The following PTPRZ1 variants were observed in gnomAD, a reference collection of about 807,000 sequenced individuals.
PTPRZ1 encodes the protein protein tyrosine phosphatase receptor type Z1, also known as receptor-type tyrosine-protein phosphatase zeta.
Under a neutral mutation model 214.1 loss-of-function variants are expected in PTPRZ1, and 82 were observed. The observed-to-expected ratio is 0.38, with a 90% CI of 0.32 to 0.46. The LOEUF (loss-of-function observed/expected upper bound fraction) is 0.46, where lower values mean the gene tolerates loss of function less well. Among genes scored for constraint, PTPRZ1 ranks in the 20% least tolerant of loss-of-function variants. PTPRZ1 has a pLI of 1.00. For missense variants in PTPRZ1, 2,603 were observed against 2,748.7 expected, an observed-to-expected ratio of 0.95 and a Z score of 1.19; for synonymous variants, 945 against 987.9, an observed-to-expected ratio of 0.96 and a Z score of 0.81.
intron 8 of PTPRZ1, among the ~76,000 whole-genome samples, chr7:121,987,034 T>C (rs1445112238): frequency 6.6e-6 from 1 of 152,208 alleles, no homozygotes; most frequent in Non-Finnish European, 1.5e-5. Flanking sequence ...ATATTGCTTA[T>C]ATAGTGTTAT....
chr7:121,928,568 C>A (rs1795833492), intron 2 of PTPRZ1, among the ~76,000 whole-genome samples: 1 of 152,096 alleles, frequency 6.6e-6, no homozygotes, highest in South Asian at 2.1e-4. Flanking sequence ...AAGTGTGAAG[C>A]ACTTGTCACA....
chr7:121,985,750 C>CTG (rs1797747978), intron 8 of PTPRZ1, among the ~76,000 whole-genome samples: 1 of 152,206 alleles, frequency 6.6e-6, no homozygotes, highest in African/African-American at 2.4e-5. Flanking sequence ...CAAGGAGACA[C>CTG]CATACCCATA....
intron 3 of PTPRZ1, among the ~76,000 whole-genome samples, chr7:121,970,223 C>CA (rs1797195793): frequency 6.6e-6 from 1 of 151,998 alleles, no homozygotes; most frequent in Non-Finnish European, 1.5e-5. Flanking sequence ...TGGATTGGTT[C>CA]CAAGTCTTTG....
intron 11 of PTPRZ1, among the ~76,000 whole-genome samples, chr7:122,008,969 A>G (rs766414515): frequency 2.0e-5 from 3 of 152,074 alleles, no homozygotes; most frequent in Non-Finnish European, 4.4e-5. Flanking sequence ...TTTATTTAGG[A>G]AATTATTTGG....
intron 10 of PTPRZ1, among the ~76,000 whole-genome samples, chr7:121,999,734 T>A (rs2116621699): frequency 6.6e-6 from 1 of 152,300 alleles, no homozygotes; most frequent in South Asian, 2.1e-4. Flanking sequence ...CTTTTTTATT[T>A]TGGAGAAACT....
intron 8 of PTPRZ1, among the ~76,000 whole-genome samples, chr7:121,986,323 C>G (rs940876101): frequency 6.6e-6 from 1 of 152,150 alleles, no homozygotes; most frequent in Admixed American, 6.5e-5. Context: ...GTATTTGAAC[C>G]CAAGTCTCCC....
chr7:121,908,389 C>A, intron 1 of PTPRZ1: 1 of 357,618 alleles, frequency 2.8e-6, no homozygotes, highest in South Asian at 2.3e-5. Flanking sequence ...TATACATCAT[C>A]TGTATTTCTT....
At chr7:121,933,235 T>C (rs1301475554) in intron 2 of PTPRZ1, among the ~76,000 whole-genome samples, 1 of 151,898 alleles carries the variant, frequency 6.6e-6, no homozygotes, top group Admixed American at 6.6e-5. Context: ...TCCTAGGAGA[T>C]GTTAAAAATC....
At chr7:122,056,929 C>T (rs1792367934) in intron 27 of PTPRZ1, among the ~76,000 whole-genome samples, 1 of 151,902 alleles carries the variant, frequency 6.6e-6, no homozygotes, top group South Asian at 2.1e-4. Context: ...TATTATGCTA[C>T]TCAGATTTAT....
chr7:122,043,345 A>C (rs1012197603), intron 22 of PTPRZ1, among the ~76,000 whole-genome samples: 1 of 152,208 alleles, frequency 6.6e-6, no homozygotes, highest in Non-Finnish European at 1.5e-5. Flanking sequence ...AGAGTGGTCC[A>C]CACACATCCT....
At chr7:122,022,061 AG>A (rs1799033501) in intron 13 of PTPRZ1, among the ~76,000 whole-genome samples, 1 of 152,200 alleles carries the variant, frequency 6.6e-6, no homozygotes, top group South Asian at 2.1e-4. Context: ...CCTTTGTAAA[AG>A]CTACAGCTTG....
At chr7:122,050,342 C>T (rs1792133515) in intron 23 of PTPRZ1, among the ~76,000 whole-genome samples, 1 of 138,406 alleles carries the variant, frequency 7.2e-6, no homozygotes, top group Admixed American at 7.5e-5. Flanking sequence ...ACTCGGGAGG[C>T]TGAGGCAGGA....
intron 13 of PTPRZ1, among the ~76,000 whole-genome samples, chr7:122,024,455 G>A (rs1003584103): frequency 2.0e-5 from 3 of 152,060 alleles, no homozygotes; most frequent in Non-Finnish European, 2.9e-5. Flanking sequence ...CATTGAAGAT[G>A]TCTACTAACC....
intron 23 of PTPRZ1, among the ~76,000 whole-genome samples, chr7:122,045,596 G>A (rs1478523910): frequency 6.6e-6 from 1 of 151,788 alleles, no homozygotes; most frequent in Non-Finnish European, 1.5e-5. Flanking sequence ...TGCCTTAGGG[G>A]GGAAAAGAGT....
intron 14 of PTPRZ1, 53 bp from the exon 15 acceptor site, chr7:122,031,421 A>T: frequency 8.1e-7 from 1 of 1,236,186 alleles, no homozygotes; most frequent in Non-Finnish European, 1.2e-6. Flanking sequence ...AGTGATAGGT[A>T]CGTTTATTTC....
At chr7:121,890,683 T>C (rs1281120860) in intron 1 of PTPRZ1, among the ~76,000 whole-genome samples, 1 of 152,040 alleles carries the variant, frequency 6.6e-6, no homozygotes, top group Non-Finnish European at 1.5e-5. Flanking sequence ...ACTTTATTAT[T>C]ATTTAGAGAC....
intron 11 of PTPRZ1, 61 bp downstream of exon 11, chr7:122,004,721 G>A (rs781572840): frequency 4.0e-6 from 4 of 1,000,566 alleles, no homozygotes; most frequent in Non-Finnish European, 4.5e-6. Context: ...TTGAATTGTT[G>A]CTTGGGTGTT....
chr7:121,914,970 G>A (rs559653680), intron 1 of PTPRZ1, among the ~76,000 whole-genome samples: 2 of 152,196 alleles, frequency 1.3e-5, no homozygotes, highest in South Asian at 2.1e-4. Flanking sequence ...GACTGGAAAC[G>A]AGGGCAAAAT....
chr7:122,005,043 A>G (rs1208051327), intron 11 of PTPRZ1, among the ~76,000 whole-genome samples: 1 of 152,038 alleles, frequency 6.6e-6, no homozygotes, highest in Non-Finnish European at 1.5e-5. Context: ...TTATATATAA[A>G]TAACCAACGA....
Sources: gnomAD v4.1 joint callset for allele counts (sites outside exome capture counted in the v4.1 genomes callset) on GRCh38, gnomAD v4.1.1 for gene constraint, MANE v1.5 for transcripts, NCBI Gene and HGNC (gene_info 2026-07-23, HGNC 2026-07-21) for gene names.